The following DPYD variants were observed in gnomAD, a reference collection of about 807,000 sequenced individuals.
The protein encoded by DPYD is dihydropyrimidine dehydrogenase [NADP(+)].
In DPYD, 109 loss-of-function variants were observed where a neutral mutation model predicts 116.2. That is an observed-to-expected ratio of 0.94 (90% confidence interval 0.80 to 1.10). DPYD has a LOEUF of 1.10. Ranked by LOEUF, DPYD falls within the 50% of genes least tolerant of loss-of-function variation. The pLI is 0.00. For synonymous variants in DPYD, 440 were observed against 432.0 expected, an observed-to-expected ratio of 1.02 and a Z score of -0.23; for missense variants, 1,302 against 1,254.5, an observed-to-expected ratio of 1.04 and a Z score of -0.57.
intron 16 of DPYD, among the ~76,000 whole-genome samples, chr1:97,317,285 C>A (rs1224883646): frequency 6.6e-6 from 1 of 151,924 alleles, no homozygotes. Context: ...AGGTCATGTA[C>A]ACATTTTCCT....
chr1:97,700,166 CCT>C (rs1288830969), intron 5 of DPYD: 2 of 453,342 alleles, frequency 4.4e-6, no homozygotes, highest in Non-Finnish European at 8.9e-6. Context: ...TCACTTTTCC[CCT>C]GAGGGATTTG....
chr1:97,126,085 G>A (rs915126716), intron 20 of DPYD, among the ~76,000 whole-genome samples: 9 of 152,038 alleles, frequency 5.9e-5, no homozygotes, highest in Non-Finnish European at 1.3e-4. Flanking sequence ...CCATGCTCTT[G>A]TCTGACTTGT....
intron 13 of DPYD, among the ~76,000 whole-genome samples, chr1:97,478,263 T>G (rs1408043508): frequency 6.6e-6 from 1 of 152,014 alleles, no homozygotes; most frequent in Non-Finnish European, 1.5e-5. Flanking sequence ...ACAGGTAGAG[T>G]AGATTTAGCG....
chr1:97,316,537 A>AAAATAAAATAAAATAAAATG (rs1449410248), intron 16 of DPYD, among the ~76,000 whole-genome samples: 4 of 150,696 alleles, frequency 2.7e-5, no homozygotes, highest in Non-Finnish European at 5.9e-5. Flanking sequence ...AAAATAAAAT[A>AAAATAAAATAAAATAAAATG]AAATAAAATA....
At chr1:97,148,613 A>G (rs536506359) in intron 20 of DPYD, among the ~76,000 whole-genome samples, 9 of 152,288 alleles carry the variant, frequency 5.9e-5, no homozygotes, top group Admixed American at 3.3e-4. Flanking sequence ...TTTCATACAT[A>G]CCATGACAAT....
intron 19 of DPYD, among the ~76,000 whole-genome samples, chr1:97,202,270 A>G (rs1319214752): frequency 6.6e-6 from 1 of 152,178 alleles, no homozygotes; most frequent in East Asian, 1.9e-4. Context: ...TATAGGAGTC[A>G]TTTATTTTGT....
At chr1:97,121,739 T>C (rs1160517411) in intron 20 of DPYD, among the ~76,000 whole-genome samples, 1 of 152,146 alleles carries the variant, frequency 6.6e-6, no homozygotes, top group South Asian at 2.1e-4. Context: ...GGTGGGCTTA[T>C]AAACAGAGTC....
At chr1:97,117,287 T>A (rs1225270203) in intron 20 of DPYD, among the ~76,000 whole-genome samples, 1 of 152,230 alleles carries the variant, frequency 6.6e-6, no homozygotes, top group East Asian at 1.9e-4. Flanking sequence ...AATTATCAAG[T>A]GTCGCTCATT....
chr1:97,409,202 T>A (rs1470279578), intron 14 of DPYD, among the ~76,000 whole-genome samples: 1 of 152,300 alleles, frequency 6.6e-6, no homozygotes, highest in East Asian at 1.9e-4. Context: ...ACATTTTCCG[T>A]AAAGATTTTA....
chr1:97,238,217 T>G (rs1481386324), intron 18 of DPYD, among the ~76,000 whole-genome samples: 2 of 152,176 alleles, frequency 1.3e-5, no homozygotes, highest in African/African-American at 4.8e-5. Flanking sequence ...GAGTATTTTT[T>G]CAAGTTAAGA....
At chr1:97,434,708 A>G (rs1570728582) in intron 14 of DPYD, among the ~76,000 whole-genome samples, 1 of 152,198 alleles carries the variant, frequency 6.6e-6, no homozygotes, top group Non-Finnish European at 1.5e-5. Flanking sequence ...AAATAATCTG[A>G]TGTTTGGCTT....
intron 20 of DPYD, among the ~76,000 whole-genome samples, chr1:97,146,830 A>G (rs533042530): frequency 6.6e-6 from 1 of 152,324 alleles, no homozygotes; most frequent in South Asian, 2.1e-4. Flanking sequence ...TATAAAATAG[A>G]TGCTTTCTTA....
chr1:97,861,228 CAT>C (rs1671100428), intron 2 of DPYD, among the ~76,000 whole-genome samples: 1 of 151,630 alleles, frequency 6.6e-6, no homozygotes, highest in Non-Finnish European at 1.5e-5. Flanking sequence ...AAGAATAAAA[CAT>C]AACAAATGAT....
intron 12 of DPYD, among the ~76,000 whole-genome samples, chr1:97,518,412 C>A (rs1463760163): frequency 2.0e-5 from 3 of 152,020 alleles, no homozygotes; most frequent in Non-Finnish European, 4.4e-5. Flanking sequence ...CATCATATAT[C>A]CAAGCCCTAA....
At position 97,721,663 on chromosome 1, in the gene DPYD, A is replaced by G; in HGVS notation, c.330T>C (p.Tyr110=). 6.2e-7 allele frequency: 1 copy of G among 1,611,068 alleles called. No individual in the cohort carries two copies. The highest frequency in any genetic ancestry group is 1.7e-4 in the Middle Eastern group (1 of 6,032). The change falls in exon 5 of 23, where the codon TAT becomes TAC. Residue 110 remains tyrosine, a synonymous_variant. Coordinates refer to ENST00000370192, the MANE Select transcript of DPYD (RefSeq NM_000110.4). Reference sequence around the variant, plus strand: ...CAGAAAATATCATCTTAGCAGCTCCATAATAGTTCTGCAAAATTAATACAA... The same window carrying G: ...CAGAAAATATCATCTTAGCAGCTCCGTAATAGTTCTGCAAAATTAATACAA... ...FITSIANKNY[Y]GAAKMIFSDN...
intron 1 of DPYD, among the ~76,000 whole-genome samples, chr1:97,917,242 T>G (rs1004689817): frequency 2.0e-5 from 3 of 152,198 alleles, no homozygotes. Context: ...AAACAACTCA[T>G]GGCTTTGTAT....
chr1:97,721,373 G>A, intron 5 of DPYD, 137 bp downstream of exon 5: 1 of 1,056,322 alleles, frequency 9.5e-7, no homozygotes, highest in Non-Finnish European at 1.4e-6. Context: ...AATAAAGTTT[G>A]TTGTACAAAA....
intron 13 of DPYD, among the ~76,000 whole-genome samples, chr1:97,483,405 A>C (rs1402630898): frequency 3.9e-5 from 6 of 152,206 alleles, no homozygotes; most frequent in Non-Finnish European, 5.9e-5. Context: ...TCCAAAATTC[A>C]GGTGTTGCCA....
chr1:97,400,240 C>G (rs573582607), intron 14 of DPYD, among the ~76,000 whole-genome samples: 107 of 152,226 alleles, frequency 7.0e-4, no homozygotes, highest in Admixed American at 2.0e-4. Context: ...TGTTTATATG[C>G]TGGATTACGT....
Sources: allele counts gnomAD v4.1 joint callset (sites outside exome capture counted in the v4.1 genomes callset), GRCh38; gene constraint gnomAD v4.1.1; transcripts MANE v1.5; gene names NCBI Gene and HGNC (gene_info 2026-07-23, HGNC 2026-07-21).